The following CBX3 variants were observed in gnomAD, a reference collection of about 807,000 sequenced individuals.
The protein encoded by CBX3 is chromobox 3.
Under a neutral mutation model 22.6 loss-of-function variants are expected in CBX3, and 5 were observed. That is an observed-to-expected ratio of 0.22 (90% confidence interval 0.12 to 0.47). The LOEUF (loss-of-function observed/expected upper bound fraction) is 0.47. Among genes scored for constraint, CBX3 ranks in the 20% least tolerant of loss-of-function variants. CBX3 has a pLI of 0.99. For missense variants in CBX3, 83 were observed against 208.1 expected (o/e 0.40, Z 3.70); for synonymous variants, 50 against 66.6 (o/e 0.75, Z 1.21).
intron 2 of CBX3, among the ~76,000 whole-genome samples, chr7:26,204,148 A>T (rs763003868): frequency 1.3e-5 from 2 of 152,190 alleles, no homozygotes; most frequent in Non-Finnish European, 2.9e-5. Context: ...GCAAATATAT[A>T]CTATAAAAGA....
chr7:26,211,078 TAAAAAAA>T (rs74744309), intron 4 of CBX3, among the ~76,000 whole-genome samples: 1 of 106,706 alleles, frequency 9.4e-6, no homozygotes, highest in Non-Finnish European at 2.0e-5. Context: ...GCTGATGAGC[TAAAAAAA>T]AAAAAAAAAA....
At chr7:26,210,911 C>T (rs1483083004) in intron 4 of CBX3, among the ~76,000 whole-genome samples, 2 of 152,050 alleles carry the variant, frequency 1.3e-5, no homozygotes, top group Non-Finnish European at 2.9e-5. Context: ...CCAAAAAGGA[C>T]TCTGGAATCC....
chr7:26,202,681 T>A (rs759641529), intron 1 of CBX3: 1 of 363,758 alleles, frequency 2.7e-6, no homozygotes, highest in Non-Finnish European at 5.0e-6. Context: ...ACATGGACTT[T>A]ATTATAAATG....
chr7:26,202,917 A>G (rs780617882), intron 1 of CBX3, 54 bp from the exon 2 acceptor site: 4 of 1,086,700 alleles, frequency 3.7e-6, no homozygotes, highest in Non-Finnish European at 5.6e-6. Flanking sequence ...ATTTGTATTT[A>G]GTTACCTTTT....
chr7:26,203,986 G>A (rs1370872947), intron 2 of CBX3, among the ~76,000 whole-genome samples: 3 of 152,134 alleles, frequency 2.0e-5, no homozygotes, highest in Non-Finnish European at 4.4e-5. Context: ...AGTTTATTTT[G>A]TGAAGGATCA....
rs768825479 is a variant in CBX3 at position 26,208,363 on chromosome 7, CCTT to C, written c.168-29_168-27del. 15 of 1,445,386 alleles carry C rather than the reference CCTT, an allele frequency of 1.0e-5. No individual in the cohort carries two copies. In the African/African-American group the frequency reaches 2.0e-4, roughly 19 times the overall value. 89.5% of individuals were successfully genotyped at this position (1,445,386 alleles called of 1,614,324 possible). A position where few individuals can be genotyped will look rare whatever the true frequency, so the allele number is the denominator to read the frequency against. ...TGATGAATCATATTTAATTCAATCACCTTTTTTTTTTTTAATAAACTAAACACA... is the reference window on the plus strand; with the variant it reads ...TGATGAATCATATTTAATTCAATCACTTTTTTTTTTAATAAACTAAACACA... On this transcript the variant is annotated intron_variant, in intron 3 of 5. Transcript: ENST00000396386.
chr7:26,210,993 A>G (rs887084260), intron 4 of CBX3, among the ~76,000 whole-genome samples: 41 of 151,874 alleles, frequency 2.7e-4, no homozygotes, highest in African/African-American at 9.7e-4. Flanking sequence ...AGGGGGTCCA[A>G]TCTTTTGGCA....
rs534591703 is a variant in CBX3 at position 26,202,085 on chromosome 7, C to T, written c.-29+259C>T. 8.6e-5 allele frequency: 13 copies of T among 152,004 alleles called. No homozygotes were observed. In the East Asian group the frequency reaches 2.0e-3, roughly 23 times the overall value. The allele number at this position is 152,004 out of a possible 1,614,324, so 9.4% of individuals were successfully genotyped here. ...TGGCGACGGTTGCCCCATTTCGAGACAAAGCGCATTTCCCCCTCCCCTCCC... is the reference window on the plus strand; with the variant it reads ...TGGCGACGGTTGCCCCATTTCGAGATAAAGCGCATTTCCCCCTCCCCTCCC... On this transcript the variant is annotated intron_variant, in intron 1 of 5. Transcript: ENST00000396386.
At chr7:26,208,307 G>A (rs374175418) in intron 3 of CBX3, 86 bp from the exon 4 acceptor site, 146 of 1,095,318 alleles carry the variant, frequency 1.3e-4, no homozygotes, top group Middle Eastern at 7.1e-4. Flanking sequence ...TTATTCCCCC[G>A]GGTGTCTATT....
intron 4 of CBX3, among the ~76,000 whole-genome samples, chr7:26,210,898 C>T (rs558254000): frequency 1.3e-5 from 2 of 152,186 alleles, no homozygotes; most frequent in East Asian, 3.9e-4. Flanking sequence ...ACACAACCCC[C>T]TCCCAAAAAG....
At chr7:26,205,379 C>G (rs200983834) in intron 2 of CBX3, among the ~76,000 whole-genome samples, 1 of 152,066 alleles carries the variant, frequency 6.6e-6, no homozygotes, top group East Asian at 1.9e-4. Flanking sequence ...TTTTTTTCAC[C>G]TTAGGGAATT....
intron 1 of CBX3, chr7:26,202,723 A>AT (rs1174563534): frequency 2.1e-6 from 1 of 470,364 alleles, no homozygotes; most frequent in Non-Finnish European, 3.7e-6. Context: ...TTGGTCCCCT[A>AT]TTTTAAGCCA....
rs1784845544 is a variant in CBX3, at chr7:26,213,038, T to C, written c.*830T>C. ...TTGGAATCCCTGTTGCTACATTGAC[T>C]AAAAGGTCATGATGAATGGAATATG... On this transcript the variant is annotated 3_prime_UTR_variant, in exon 6 of 6. Coordinates refer to ENST00000396386, the MANE Select transcript of CBX3 (RefSeq NM_016587.4). 1 of 152,292 alleles carries C rather than the reference T, an allele frequency of 6.6e-6. No individual in the cohort carries two copies. The highest frequency in any genetic ancestry group is 2.4e-5 in the African/African-American group (1 of 41,480). The allele number at this position is 152,292 out of a possible 1,614,324, so 9.4% of individuals were successfully genotyped here.
intron 4 of CBX3, 76 bp downstream of exon 4, chr7:26,208,631 T>TG: frequency 7.2e-7 from 1 of 1,396,820 alleles, no homozygotes; most frequent in Non-Finnish European, 9.8e-7. Flanking sequence ...TGTTTGTTTG[T>TG]TTTTTTGAGA....
At chr7:26,206,551 A>G in intron 3 of CBX3, 41 bp downstream of exon 3, 2 of 1,590,746 alleles carry the variant, frequency 1.3e-6, no homozygotes, top group Non-Finnish European at 1.7e-6. Flanking sequence ...GTTTAACTGC[A>G]GCTAAGTGGT....
chr7:26,211,990 T>C, intron 5 of CBX3, 92 bp from the exon 6 acceptor site: 12 of 1,200,532 alleles, frequency 1.0e-5, no homozygotes, highest in Non-Finnish European at 1.1e-5. Flanking sequence ...CTTCAATACC[T>C]TTTGTTTGGA....
At chr7:26,204,393 C>T (rs1374150966) in intron 2 of CBX3, among the ~76,000 whole-genome samples, 1 of 152,164 alleles carries the variant, frequency 6.6e-6, no homozygotes, top group East Asian at 1.9e-4. Context: ...CTTTGCTCCT[C>T]CCACCATTAT....
chr7:26,208,372 T>C, intron 3 of CBX3, 21 bp from the exon 4 acceptor site: 2 of 1,541,064 alleles, frequency 1.3e-6, no homozygotes, highest in South Asian at 2.4e-5. Context: ...ACCTTTTTTT[T>C]TTTTAATAAA....
In CBX3 at chr7:26,211,667, CAA is replaced by C; in HGVS notation, c.338_339del (p.Lys113ThrfsTer9). 6.2e-7 allele frequency: 1 copy of C among 1,604,654 alleles called. No homozygotes were observed. Among genetic ancestry groups the C allele is most frequent in the Non-Finnish European group, 8.5e-7 (1 of 1,175,828 alleles). On this transcript the variant is annotated frameshift_variant, in exon 5 of 6. Transcript: ENST00000396386. LOFTEE classifies it high-confidence loss of function. Reference sequence around the variant, plus strand: ...AAAAAATGTCTTCTAAACAGGCTGACAAACCAAGAGGATTTGCCAGAGGTCTT... The same window carrying C: ...AAAAAATGTCTTCTAAACAGGCTGACACCAAGAGGATTTGCCAGAGGTCTT... Reference protein sequence around the residue: ...KSKKKRDAADKPRGFARGLDP... With the variant: ...KSKKKRDAADXPRGFARGLDP...
Sources: allele counts gnomAD v4.1 joint callset (sites outside exome capture counted in the v4.1 genomes callset), GRCh38; gene constraint gnomAD v4.1.1; transcripts MANE v1.5; gene names NCBI Gene and HGNC (gene_info 2026-07-23, HGNC 2026-07-21).